The following TAOK2 variants were observed in gnomAD, a reference collection of about 807,000 sequenced individuals.
TAOK2 encodes the protein serine/threonine-protein kinase TAO2.
In TAOK2, 42 loss-of-function variants were observed where a neutral mutation model predicts 122.5. The observed-to-expected ratio is 0.34, with a 90% CI of 0.27 to 0.44. TAOK2 has a LOEUF of 0.44. Among genes scored for constraint, TAOK2 ranks in the 20% least tolerant of loss-of-function variants. TAOK2 has a pLI of 1.00. For missense variants in TAOK2, 1,264 were observed against 1,644.9 expected (o/e 0.77, Z 4.01); for synonymous variants, 704 against 677.6 (o/e 1.04, Z -0.61).
downstream of TAOK2, chr16:29,989,751 G>A (rs146674095): frequency 5.9e-5 from 96 of 1,613,834 alleles, no homozygotes; most frequent in Non-Finnish European, 7.9e-5. Flanking sequence ...GCAAGCTGGC[G>A]ATCTTGGCGG....
chr16:29,974,794 C>G (rs561436428), intron 1 of TAOK2, 146 bp downstream of exon 1: 1 of 152,416 alleles, frequency 6.6e-6, no homozygotes, highest in East Asian at 1.9e-4. Flanking sequence ...CTAGCCTTGC[C>G]TTCTGTTGCC....
chr16:29,982,870 G>GC lies in TAOK2; in HGVS notation c.971dup (p.Gly325TrpfsTer27), dbSNP rs2069659495. 6.2e-7 allele frequency: 1 copy of GC among 1,613,922 alleles called. No homozygotes were observed. The highest frequency in any genetic ancestry group is 8.5e-7 in the Non-Finnish European group (1 of 1,179,978). On this transcript the variant is annotated frameshift_variant, in exon 11 of 16. Transcript: ENST00000308893. LOFTEE classifies it high-confidence loss of function. Reference sequence around the variant, plus strand: ...ATCCTGTTCCAAGAGGCACCCAACGGCCCTGGTGCCGAGGCCCCAGAGGAG... The same window carrying GC: ...ATCCTGTTCCAAGAGGCACCCAACGGCCCCTGGTGCCGAGGCCCCAGAGGAG...
chr16:29,990,028 T>A (rs1304345176), downstream of TAOK2: 11 of 526,050 alleles, frequency 2.1e-5, no homozygotes, highest in East Asian at 3.6e-4. Context: ...CAAAGCCATG[T>A]GCCTATTCCC....
At position 29,985,339 on chromosome 16, in the gene TAOK2, C is replaced by T. The variant is rs1486860798; in HGVS notation, c.1549C>T (p.Arg517Trp). The change falls in exon 14 of 16, where the codon CGG (arginine) becomes TGG (tryptophan). Residue 517 changes from arginine (R) to tryptophan (W), a missense_variant. This residue lies in a region of TAOK2 where 64 missense variants were observed against 115.7 expected (regional missense o/e 0.55). Coordinates refer to ENST00000308893, the MANE Select transcript of TAOK2 (RefSeq NM_016151.4). This position sits in a 1 kb window ranked among gnomAD's most constrained non-coding sequence, Gnocchi z 6.9. ...CCTGGAGTCACGGCTGAGGGGTGAA[C>T]GGGAGGAGCACAGTGCACGGCTGCA... is the stretch of plus-strand genomic sequence containing the variant. ...LALESRLRGE[R>W]EEHSARLQRE... 3.7e-6 allele frequency: 6 copies of T among 1,610,982 alleles called. No individual in the cohort carries two copies. The highest frequency in any genetic ancestry group is 1.7e-4 in the Middle Eastern group (1 of 6,022).
chr16:29,988,342 C>A lies in TAOK2; in HGVS notation c.*362C>A. On this transcript the variant is annotated 3_prime_UTR_variant, in exon 16 of 16. Transcript: ENST00000308893. ...TGTCTCCCTTCCAACCTGTCCCCTT[C>A]CCCCCACCAAAAAAAGAAAAAGACA... 3 of 1,390,140 alleles carry A rather than the reference C, an allele frequency of 2.2e-6. No homozygotes were observed. The highest frequency in any genetic ancestry group is 2.8e-6 in the Non-Finnish European group (3 of 1,054,646). The allele number at this position is 1,390,140 out of a possible 1,614,324, so 86.1% of individuals were successfully genotyped here.
Position 29,987,541 on chromosome 16 carries a change from T to A in TAOK2, c.3269T>A (p.Leu1090Gln). The A allele has an allele frequency of 1.2e-6, 2 of 1,612,200 alleles. No individual in the cohort carries two copies. The highest frequency in any genetic ancestry group is 1.7e-6 in the Non-Finnish European group (2 of 1,178,834). The part of the protein sequence containing the change: ...GISRLWLRVL[L>Q]RLSPMAFRAL... ...TCTCGACTCTGGTTGCGGGTTCTGCTGCGCCTGTCACCCATGGCCTTCCGG... is the reference window on the plus strand; with the variant it reads ...TCTCGACTCTGGTTGCGGGTTCTGCAGCGCCTGTCACCCATGGCCTTCCGG... Residue 1090 changes from leucine (L) to glutamine (Q), a missense_variant, in exon 16 of 16, where the codon CTG becomes CAG. Leu to Gln is a moderately radical substitution (Grantham distance 113). Coordinates refer to ENST00000308893, the MANE Select transcript of TAOK2 (RefSeq NM_016151.4).
At position 29,983,071 on chromosome 16, in the gene TAOK2, G is replaced by A. The variant is rs778707908; in HGVS notation, c.1000-1G>A. 1.2e-6 allele frequency: 2 copies of A among 1,613,954 alleles called. No homozygotes were observed. The highest frequency in any genetic ancestry group is 4.5e-5 in the East Asian group (2 of 44,878). Reference sequence around the variant, plus strand: ...TCCAGCAGCCTACGCCCTGTTCGCAGGAGGCCGAGCCCTACATGCACCGGG... The same window carrying A: ...TCCAGCAGCCTACGCCCTGTTCGCAAGAGGCCGAGCCCTACATGCACCGGG... On this transcript the variant is annotated splice_acceptor_variant, in intron 11 of 15. Transcript: ENST00000308893. LOFTEE classifies it high-confidence loss of function.
rs1252789898 is a variant in TAOK2, at chr16:29,987,686, C to T, written c.3414C>T (p.Arg1138=). ...CTGGGCCCCGGCGGCGTAATCCCCG[C>T]ACCACCCAACACCCATTAGCTCTGT... The part of the protein sequence containing the change: ...PVPGPRRRNP[R]TTQHPLALLA... The change falls in exon 16 of 16, where the codon CGC becomes CGT. Residue 1138 remains arginine (R), a synonymous_variant. Coordinates refer to ENST00000308893, the MANE Select transcript of TAOK2 (RefSeq NM_016151.4). 36 of 1,613,922 alleles carry T rather than the reference C, an allele frequency of 2.2e-5. No homozygotes were observed. The highest frequency in any genetic ancestry group is 2.9e-5 in the Non-Finnish European group (34 of 1,179,952).
chr16:29,977,940 G>T, intron 2 of TAOK2, 36 bp downstream of exon 2: 1 of 1,613,972 alleles, frequency 6.2e-7, no homozygotes, highest in Non-Finnish European at 8.5e-7. Context: ...ATAGGGATGG[G>T]GACTCTTCCT....
chr16:29,989,719 C>A (rs777755926), downstream of TAOK2: 35 of 1,613,906 alleles, frequency 2.2e-5, no homozygotes, highest in Non-Finnish European at 3.0e-5. Flanking sequence ...CCTCCTTAAG[C>A]GGCTCAAGGA....
chr16:29,981,231 T>C (rs11865096), intron 8 of TAOK2: 7 of 368,662 alleles, frequency 1.9e-5, no homozygotes, highest in East Asian at 4.8e-5. Flanking sequence ...TTCCCTCTTA[T>C]ACCAGTTAAT....
chr16:29,985,799 C>G lies in TAOK2; in HGVS notation c.1930C>G (p.Arg644Gly), dbSNP rs776787473. 1.2e-6 allele frequency: 2 copies of G among 1,611,832 alleles called. No individual in the cohort carries two copies. The highest frequency in any genetic ancestry group is 2.2e-5 in the South Asian group (2 of 90,948). ...GCGCCAGTACTTTGAGCTGCAGTGT[C>G]GCCAGTACAAGCGCAAGATGTTGCT... ...RQRQYFELQC[R>G]QYKRKMLLAR... The change falls in exon 15 of 16, where the codon CGC becomes GGC. Residue 644 changes from arginine (R) to glycine (G), a missense_variant. Transcript: ENST00000308893. This position sits in a 1 kb window ranked among gnomAD's most constrained non-coding sequence, Gnocchi z 6.9.
chr16:29,977,518 G>T (rs1461223232), intron 1 of TAOK2, among the ~76,000 whole-genome samples: 1 of 152,174 alleles, frequency 6.6e-6, no homozygotes, highest in Non-Finnish European at 1.5e-5. Context: ...CTTCCTAGCA[G>T]TTTTAGGGAC....
At chr16:29,990,720 G>C (rs2069945354), downstream of TAOK2, 2 of 1,514,434 alleles carry the variant, frequency 1.3e-6, no homozygotes, top group Admixed American at 4.0e-5. Flanking sequence ...GGCCTACCTG[G>C]GGCAGGGGAG....
At position 29,974,137 on chromosome 16, in the gene TAOK2, C is replaced by G. The variant is rs934060121; in HGVS notation, c.-547C>G. 1 of 152,226 alleles carries G rather than the reference C, an allele frequency of 6.6e-6. No homozygotes were observed. The highest frequency in any genetic ancestry group is 2.4e-5 in the African/African-American group (1 of 41,458). The allele number at this position is 152,226 out of a possible 1,614,324, so 9.4% of individuals were successfully genotyped here. ...TCGGGGTGGGCCCCCAGTCGGTGGC[C>G]GAAGACCTACAGCTCAGGCCCCTGG... On this transcript the variant is annotated 5_prime_UTR_variant, in exon 1 of 16. Coordinates refer to ENST00000308893, the MANE Select transcript of TAOK2 (RefSeq NM_016151.4).
At position 29,987,066 on chromosome 16, in the gene TAOK2, C is replaced by T; in HGVS notation, c.2794C>T (p.Pro932Ser). 1 of 1,613,644 alleles carries T rather than the reference C, an allele frequency of 6.2e-7. No homozygotes were observed. The highest frequency in any genetic ancestry group is 8.5e-7 in the Non-Finnish European group (1 of 1,179,674). The change falls in exon 16 of 16, where the codon CCA (proline) becomes TCA (serine). Residue 932 changes from proline to serine, a missense_variant. By Grantham distance (74) the Pro-to-Ser change is moderately conservative (BLOSUM62 -1). Around this residue, in one of 4 missense-constraint regions of TAOK2, gnomAD observed 824 missense variants for 908.7 expected, o/e 0.91. Coordinates refer to ENST00000308893, the MANE Select transcript of TAOK2 (RefSeq NM_016151.4). The part of the protein sequence containing the change: ...PSPDIPPEPP[P>S]THLRPCPASQ... ...CCCCGACATCCCTCCTGAACCCCCTCCAACACACCTGAGGCCCTGCCCTGC... is the reference window on the plus strand; with the variant it reads ...CCCCGACATCCCTCCTGAACCCCCTTCAACACACCTGAGGCCCTGCCCTGC...
At chr16:29,990,452 C>T (rs938507355), downstream of TAOK2, 16 of 209,814 alleles carry the variant, frequency 7.6e-5, no homozygotes, top group Non-Finnish European at 1.4e-4. Context: ...CCTGTCAGTA[C>T]ACCTGTCTCA....
downstream of TAOK2, chr16:29,989,843 C>A: frequency 6.2e-7 from 1 of 1,600,344 alleles, no homozygotes; most frequent in Non-Finnish European, 8.5e-7. Flanking sequence ...GCGCTAGAGG[C>A]CAGGCTCTGT....
chr16:29,988,446 C>A, downstream of TAOK2: 1 of 1,257,224 alleles, frequency 8.0e-7, no homozygotes, highest in South Asian at 1.3e-5. Context: ...CGCCTAGCCT[C>A]CCCGGTATGC....
Sources: gnomAD v4.1 joint callset for allele counts (sites outside exome capture counted in the v4.1 genomes callset) on GRCh38, gnomAD v4.1.1 for gene constraint, gnomAD v4.1.1 regional missense constraint, Gnocchi (gnomAD v3.1) non-coding constraint, MANE v1.5 for transcripts, NCBI Gene and HGNC (gene_info 2026-07-23, HGNC 2026-07-21) for gene names.